CPA5: variants seen among roughly 807,000 people sequenced by gnomAD.
The protein encoded by CPA5 is testicular tissue protein Li 32.
A neutral mutation model predicts 52.2 loss-of-function variants in CPA5; 38 were observed. The ratio of observed to expected loss-of-function variants is 0.73; its 90% CI spans 0.56 to 0.95. The LOEUF (loss-of-function observed/expected upper bound fraction) is 0.95. Among genes scored for constraint, CPA5 ranks in the 40% least tolerant of loss-of-function variants. The pLI is 0.00. For synonymous variants in CPA5, 198 were observed against 213.7 expected, an observed-to-expected ratio of 0.93 and a Z score of 0.64; for missense variants, 519 against 566.7, an observed-to-expected ratio of 0.92 and a Z score of 0.86.
At chr7:130,371,852 C>T (rs375971089), downstream of CPA5, among the ~76,000 whole-genome samples, 6 of 151,972 alleles carry the variant, frequency 3.9e-5, no homozygotes, top group African/African-American at 4.8e-5. Context: ...CCACTGCACC[C>T]GGCCCCAGAT....
chr7:130,346,832 C>T (rs1490780235), intron 3 of CPA5, among the ~76,000 whole-genome samples: 1 of 152,104 alleles, frequency 6.6e-6, no homozygotes, highest in Non-Finnish European at 1.5e-5. Flanking sequence ...CAGGAGGAAG[C>T]CCCCGGGGCT....
At chr7:130,359,787 G>A in intron 6 of CPA5, 100 bp downstream of exon 6, 1 of 766,604 alleles carries the variant, frequency 1.3e-6, no homozygotes, top group South Asian at 1.7e-5. Context: ...AGGGTTTATG[G>A]GAAACTGTGA....
intron 8 of CPA5, 108 bp from the exon 9 acceptor site, chr7:130,362,776 A>C: frequency 1.4e-6 from 1 of 707,102 alleles, no homozygotes; most frequent in Admixed American, 2.3e-5. Context: ...GATATACCTC[A>C]GGGGTTTCAT....
At chr7:130,346,637 C>T (rs1794761385) in intron 3 of CPA5, 36 bp downstream of exon 3, 1 of 1,556,908 alleles carries the variant, frequency 6.4e-7, no homozygotes. Context: ...GGAGGACTGG[C>T]TGGGAGGAGG....
Position 130,367,908 on chromosome 7 carries a change from CG to C in CPA5, c.1042del (p.Asp348IlefsTer85), listed in dbSNP as rs1562962544. On this transcript the variant is annotated frameshift_variant, in exon 12 of 13. Coordinates refer to ENST00000474905, the MANE Select transcript of CPA5 (RefSeq NM_080385.5). LOFTEE classifies it high-confidence loss of function. Reference protein sequence around the residue: ...EPVSNQRELYDLAKDAVEALY... With the variant: ...EPVSNQRELYXLAKDAVEALY... Reference sequence around the variant, plus strand: ...ACCCCGCCAATGTCATCTTGCAGTACGATCTTGCCAAGGATGCGGTGGAGGC... The same window carrying C: ...ACCCCGCCAATGTCATCTTGCAGTACATCTTGCCAAGGATGCGGTGGAGGC... 1 of 1,614,094 alleles carries C rather than the reference CG, an allele frequency of 6.2e-7. No homozygotes were observed. Among genetic ancestry groups the C allele is most frequent in the African/African-American group, 1.3e-5 (1 of 75,054 alleles).
At chr7:130,354,201 T>G (rs967597704) in intron 5 of CPA5, among the ~76,000 whole-genome samples, 4 of 152,042 alleles carry the variant, frequency 2.6e-5, no homozygotes, top group Non-Finnish European at 5.9e-5. Flanking sequence ...GTGCTGAAAT[T>G]ACAGGTGTGA....
At chr7:130,372,541 C>T (rs1796305207), downstream of CPA5, among the ~76,000 whole-genome samples, 1 of 152,232 alleles carries the variant, frequency 6.6e-6, no homozygotes, top group Admixed American at 6.5e-5. Flanking sequence ...TTGACCTCTA[C>T]TTTCAAGATG....
chr7:130,358,989 T>TC (rs1260899751), intron 5 of CPA5, among the ~76,000 whole-genome samples: 39 of 152,304 alleles, frequency 2.6e-4, no homozygotes, highest in African/African-American at 9.4e-4. Flanking sequence ...ATCATATTGA[T>TC]TTGGACTGAC....
intron 10 of CPA5, among the ~76,000 whole-genome samples, chr7:130,366,014 G>A (rs527380330): frequency 3.9e-5 from 6 of 152,334 alleles, no homozygotes; most frequent in African/African-American, 9.6e-5. Context: ...GAAGGGGCGC[G>A]CTCCCTGGGC....
At chr7:130,362,718 C>T (rs546048561) in intron 8 of CPA5, among the ~76,000 whole-genome samples, 166 bp from the exon 9 acceptor site, 51 of 152,310 alleles carry the variant, frequency 3.3e-4, no homozygotes, top group African/African-American at 1.1e-3. Flanking sequence ...CACATTGATC[C>T]CCTGCCTTCT....
chr7:130,360,169 G>T (rs1189120037), intron 6 of CPA5, among the ~76,000 whole-genome samples: 1 of 152,234 alleles, frequency 6.6e-6, no homozygotes, highest in African/African-American at 2.4e-5. Flanking sequence ...AAATAAACTT[G>T]TCCTTGACTG....
At chr7:130,365,862 A>G (rs144061307) in intron 10 of CPA5, among the ~76,000 whole-genome samples, 2 of 152,362 alleles carry the variant, frequency 1.3e-5, no homozygotes, top group African/African-American at 4.8e-5. Flanking sequence ...GAGCAGGTGC[A>G]GGAGCTCCTG....
intron 7 of CPA5, 139 bp from the exon 8 acceptor site, chr7:130,362,299 C>A: frequency 1.8e-6 from 1 of 557,252 alleles, no homozygotes. Flanking sequence ...TGGACAGGTA[C>A]CTGCACACAC....
At chr7:130,349,843 C>T in intron 4 of CPA5, 132 bp from the exon 5 acceptor site, 1 of 1,027,506 alleles carries the variant, frequency 9.7e-7, no homozygotes, top group East Asian at 2.4e-5. Context: ...ACATCACACC[C>T]CCGTCCCCAT....
At chr7:130,360,369 A>C (rs989914108) in intron 6 of CPA5, among the ~76,000 whole-genome samples, 2 of 152,362 alleles carry the variant, frequency 1.3e-5, no homozygotes, top group East Asian at 3.9e-4. Context: ...GTAGAATAAA[A>C]GGGAGGTGCC....
At chr7:130,351,327 A>T (rs1554403909) in intron 5 of CPA5, among the ~76,000 whole-genome samples, 2 of 152,212 alleles carry the variant, frequency 1.3e-5, no homozygotes, top group African/African-American at 4.8e-5. Context: ...TCCCTGGTTC[A>T]GCCCCACCCT....
chr7:130,351,483 G>A (rs189472075), intron 5 of CPA5, among the ~76,000 whole-genome samples: 1 of 152,306 alleles, frequency 6.6e-6, no homozygotes. Context: ...CCGCAGCCCC[G>A]AGTCCCTCTA....
At chr7:130,357,547 T>C (rs1340430953) in intron 5 of CPA5, among the ~76,000 whole-genome samples, 2 of 150,508 alleles carry the variant, frequency 1.3e-5, no homozygotes, top group Non-Finnish European at 3.0e-5. Context: ...CGCTTGAACC[T>C]GGGAGGCAGA....
At position 130,368,726 on chromosome 7, in the gene CPA5, C is replaced by A; in HGVS notation, c.*129C>A. The A allele has an allele frequency of 2.1e-6, 2 of 962,758 alleles. No homozygotes were observed. The highest frequency in any genetic ancestry group is 5.1e-5 in the East Asian group (2 of 39,588). 59.6% of individuals were successfully genotyped at this position (962,758 alleles called of 1,614,324 possible). On this transcript the variant is annotated 3_prime_UTR_variant, in exon 13 of 13. Coordinates refer to ENST00000474905, the MANE Select transcript of CPA5 (RefSeq NM_080385.5). The stretch of plus-strand genomic sequence containing the variant: ...CTTAGAAAATAAATACAAGTTTGAA[C>A]AGGCTTCGCTGCCTCTCGTGTTGGC...
Sources: gnomAD v4.1 joint callset for allele counts (sites outside exome capture counted in the v4.1 genomes callset) on GRCh38, gnomAD v4.1.1 for gene constraint, MANE v1.5 for transcripts, NCBI Gene and HGNC (gene_info 2026-07-23, HGNC 2026-07-21) for gene names.